The following ADAMTS7 variants were observed in gnomAD, a reference collection of about 807,000 sequenced individuals.
ADAMTS7 encodes the protein ADAM metallopeptidase with thrombospondin type 1 motif 7.
In ADAMTS7, 89 loss-of-function variants were observed where a neutral mutation model predicts 172.6. The ratio of observed to expected loss-of-function variants is 0.52; its 90% CI spans 0.43 to 0.61. The LOEUF (loss-of-function observed/expected upper bound fraction) is 0.61, where lower values mean the gene tolerates loss of function less well. Ranked by LOEUF, ADAMTS7 falls within the 20% of genes least tolerant of loss-of-function variation. The pLI is 0.00. For missense variants in ADAMTS7, 1,973 were observed against 2,355.6 expected (o/e 0.84, Z 3.36); for synonymous variants, 885 against 978.4 (o/e 0.90, Z 1.78).
Position 78,763,724 on chromosome 15 carries a change from T to C in ADAMTS7, c.4715A>G (p.Gln1572Arg). The change falls in exon 22 of 24, where the codon CAG becomes CGG. Residue 1572 changes from glutamine to arginine, a missense_variant. Gln to Arg is a conservative substitution (Grantham distance 43). This residue lies in a region of ADAMTS7 where 218 missense variants were observed against 216.9 expected (regional missense o/e 1.01). Coordinates refer to ENST00000388820, the MANE Select transcript of ADAMTS7 (RefSeq NM_014272.5). ...CTGGCCCCAGGGCCCCACCACCCAC[T>C]GCGTGCAGGGGTGGGTGTTGCAGGG... is the stretch of plus-strand genomic sequence containing the variant. The part of the protein sequence containing the change: ...TRPCNTHPCT[Q>R]WVVGPWGQCS... 6.4e-7 allele frequency: 1 copy of C among 1,563,954 alleles called. No individual in the cohort carries two copies. Among genetic ancestry groups the C allele is most frequent in the Non-Finnish European group, 8.6e-7 (1 of 1,156,346 alleles).
At chr15:78,759,949 C>A (rs756344804) in intron 23 of ADAMTS7, among the ~76,000 whole-genome samples, 16 of 152,274 alleles carry the variant, frequency 1.1e-4, no homozygotes, top group South Asian at 6.2e-4. Context: ...CACAGAACTG[C>A]GGTCCCGGGG....
At chr15:78,803,688 A>G (rs965828091) in intron 1 of ADAMTS7, among the ~76,000 whole-genome samples, 1 of 152,200 alleles carries the variant, frequency 6.6e-6, no homozygotes, top group Non-Finnish European at 1.5e-5. Context: ...CCTGGCCTCT[A>G]GTGATCCACT....
chr15:78,800,435 A>G lies in ADAMTS7; in HGVS notation c.213T>C (p.Asp71=), dbSNP rs1217228102. 5.6e-6 allele frequency: 9 copies of G among 1,610,786 alleles called. No individual in the cohort carries two copies. Among genetic ancestry groups the G allele is most frequent in the African/African-American group, 4.0e-5 (3 of 74,904 alleles). ...ELWPRALRKR[D]VSVRRDAPAF... The stretch of plus-strand genomic sequence containing the variant: ...CGGGCGCGTCTCGGCGCACAGATAC[A>G]TCCCGCTTGCGCAGTGCGCGGGGCC... The change falls in exon 2 of 24, where the codon GAT becomes GAC. Residue 71 remains aspartate, a synonymous_variant. Transcript: ENST00000388820.
chr15:78,801,459 G>T (rs1321488337), intron 1 of ADAMTS7, among the ~76,000 whole-genome samples: 1 of 152,078 alleles, frequency 6.6e-6, no homozygotes, highest in Admixed American at 6.5e-5. Flanking sequence ...TCACTTTTGG[G>T]TTGTTGTTCA....
intron 8 of ADAMTS7, among the ~76,000 whole-genome samples, chr15:78,784,278 T>A (rs1312236948): frequency 6.6e-6 from 1 of 151,784 alleles, no homozygotes; most frequent in African/African-American, 2.4e-5. Context: ...GGCAGGAGGA[T>A]CATTTGTGCC....
chr15:78,766,786 C>T lies in ADAMTS7; in HGVS notation c.3125G>A (p.Gly1042Asp). Residue 1042 changes from glycine (G) to aspartate (D), a missense_variant, in exon 19 of 24, where the codon GGC (glycine) becomes GAC (aspartate). Physicochemically the swap from Gly to Asp is moderately conservative, Grantham distance 94 (BLOSUM62 -1). This residue lies in a region of ADAMTS7 where 771 missense variants were observed against 952.6 expected (regional missense o/e 0.81). Transcript: ENST00000388820. ...PASSPKPGTM[G>D]NAIEEEAPEL... The stretch of plus-strand genomic sequence containing the variant: ...TGGAGCCTCCTCCTCAATGGCGTTG[C>T]CCATGGTGCCTGGCTTGGGTGATGA... 6.2e-7 allele frequency: 1 copy of T among 1,610,554 alleles called. No homozygotes were observed. Among genetic ancestry groups the T allele is most frequent in the Non-Finnish European group, 8.5e-7 (1 of 1,179,834 alleles).
chr15:78,777,216 G>A (rs2055360594), intron 9 of ADAMTS7: 2 of 637,464 alleles, frequency 3.1e-6, no homozygotes, highest in Non-Finnish European at 5.3e-6. Context: ...GGACTTGTCC[G>A]AAGGGTCACA....
intron 7 of ADAMTS7, 141 bp from the exon 8 acceptor site, chr15:78,788,515 A>G: frequency 3.1e-6 from 3 of 968,006 alleles, no homozygotes; most frequent in Non-Finnish European, 4.6e-6. Context: ...ATGGCTGCAG[A>G]AAGTCACATT....
chr15:78,771,929 G>C lies in ADAMTS7; in HGVS notation c.2132-100C>G. The C allele has an allele frequency of 6.7e-7, 1 of 1,494,214 alleles. No homozygotes were observed. Among genetic ancestry groups the C allele is most frequent in the Non-Finnish European group, 9.0e-7 (1 of 1,115,750 alleles). The allele number at this position is 1,494,214 out of a possible 1,614,324, so 92.6% of individuals were successfully genotyped here. A position where few individuals can be genotyped will look rare whatever the true frequency, so the allele number is the denominator to read the frequency against. On this transcript the variant is annotated intron_variant, in intron 14 of 23. Coordinates refer to ENST00000388820, the MANE Select transcript of ADAMTS7 (RefSeq NM_014272.5). This position sits in a 1 kb window ranked among gnomAD's most constrained non-coding sequence, Gnocchi z 4.9. ...CTCTCCCCACTTGCCTCCGCCTGCT[G>C]ATGCCAAAGCTTTAAAGTCTGAGCT...
At chr15:78,798,732 G>A (rs956000170) in intron 2 of ADAMTS7, among the ~76,000 whole-genome samples, 2 of 152,186 alleles carry the variant, frequency 1.3e-5, no homozygotes, top group African/African-American at 2.4e-5. Flanking sequence ...TCAGAGTCCA[G>A]GGAGGGGAGG....
chr15:78,776,169 C>A lies in ADAMTS7; in HGVS notation c.1706+19G>T, dbSNP rs780074992. The A allele has an allele frequency of 6.3e-7, 1 of 1,599,614 alleles. No homozygotes were observed. The highest frequency in any genetic ancestry group is 8.5e-7 in the Non-Finnish European group (1 of 1,172,062). On this transcript the variant is annotated intron_variant, in intron 11 of 23. Transcript: ENST00000388820. ...CCCTCTGTCCCACTGCCCAAGGGCA[C>A]CCTGGGCCCCACACTCACGTAGGCT...
intron 16 of ADAMTS7, among the ~76,000 whole-genome samples, chr15:78,769,474 G>A (rs1257075692): frequency 9.2e-5 from 14 of 152,212 alleles, no homozygotes; most frequent in Non-Finnish European, 1.8e-4. Context: ...AACTAGGGGG[G>A]TCTGGGACAC....
chr15:78,777,510 GAGGACGCCAGGTGGCACCGAGGGGA>G lies in ADAMTS7; in HGVS notation c.1376_1400del (p.Phe459SerfsTer4). On this transcript the variant is annotated frameshift_variant, in exon 9 of 24. Coordinates refer to ENST00000388820, the MANE Select transcript of ADAMTS7 (RefSeq NM_014272.5). LOFTEE classifies it high-confidence loss of function. ...GGCGGCACTGGTGGCTTACATCATA[GAGGACGCCAGGTGGCACCGAGGGGA>G]AGTCGATAATGTCCTTGGCAGGAGG... 6.2e-7 allele frequency: 1 copy of G among 1,612,114 alleles called. No homozygotes were observed. The highest frequency in any genetic ancestry group is 8.5e-7 in the Non-Finnish European group (1 of 1,179,226).
chr15:78,765,829 T>C lies in ADAMTS7; in HGVS notation c.4082A>G (p.Glu1361Gly), dbSNP rs2055133408. The C allele has an allele frequency of 6.4e-7, 1 of 1,557,256 alleles. No individual in the cohort carries two copies. The highest frequency in any genetic ancestry group is 8.7e-7 in the Non-Finnish European group (1 of 1,146,110). The change falls in exon 19 of 24, where the codon GAG becomes GGG. Residue 1361 changes from glutamate to glycine, a missense_variant. This residue lies in a region of ADAMTS7 where 771 missense variants were observed against 952.6 expected (regional missense o/e 0.81). Coordinates refer to ENST00000388820, the MANE Select transcript of ADAMTS7 (RefSeq NM_014272.5). ...CAGGGGCACCTCAGGGCTGAGGGAC[T>C]CAGGCTGACCCTTGGGTCCTGGGTT... ...ALNPGPKGQP[E>G]SLSPEVPLSS...
chr15:78,783,350 GC>G (rs2055458344), intron 8 of ADAMTS7, among the ~76,000 whole-genome samples: 1 of 152,146 alleles, frequency 6.6e-6, no homozygotes, highest in South Asian at 2.1e-4. Flanking sequence ...GTTCACTGCA[GC>G]CTCTGCCTCC....
chr15:78,785,092 G>A (rs1227376415), intron 8 of ADAMTS7, among the ~76,000 whole-genome samples: 1 of 152,184 alleles, frequency 6.6e-6, no homozygotes, highest in African/African-American at 2.4e-5. Context: ...AGGACACAGG[G>A]AAGTTGGGAG....
Position 78,766,737 on chromosome 15 carries a change from C to T in ADAMTS7, c.3174G>A (p.Val1058=). Residue 1058 remains valine, a synonymous_variant, in exon 19 of 24, where the codon GTG becomes GTA. Transcript: ENST00000388820. ...AGTCGTAGTAGAAGTCGTCCACAAA[C>T]ACGGGCCCCGGCAGGTCCAGCTCTG... The part of the protein sequence containing the change: ...EAPELDLPGP[V]FVDDFYYDYN... The T allele has an allele frequency of 6.2e-7, 1 of 1,610,768 alleles. No homozygotes were observed. The highest frequency in any genetic ancestry group is 8.5e-7 in the Non-Finnish European group (1 of 1,179,844).
intron 1 of ADAMTS7, among the ~76,000 whole-genome samples, chr15:78,807,487 G>A (rs1352304796): frequency 1.3e-5 from 2 of 152,180 alleles, no homozygotes; most frequent in Admixed American, 6.5e-5. Context: ...GAGCTATGCC[G>A]CAGGTGAAAA....
intron 16 of ADAMTS7, among the ~76,000 whole-genome samples, chr15:78,770,082 G>A (rs983698435): frequency 5.9e-5 from 9 of 152,096 alleles, no homozygotes; most frequent in African/African-American, 2.2e-4. Context: ...AGAATCGCTG[G>A]AGCCTGGGAG....
Sources: allele counts gnomAD v4.1 joint callset (sites outside exome capture counted in the v4.1 genomes callset), GRCh38; gene constraint gnomAD v4.1.1; regional missense constraint gnomAD v4.1.1; non-coding constraint Gnocchi (gnomAD v3.1); transcripts MANE v1.5; gene names NCBI Gene and HGNC (gene_info 2026-07-23, HGNC 2026-07-21).